GLI2: variants seen among roughly 807,000 people sequenced by gnomAD.
GLI2 encodes transcription activator GLI2.
A neutral mutation model predicts 78.9 loss-of-function variants in GLI2; 22 were observed. That is an observed-to-expected ratio of 0.28 (90% CI 0.20 to 0.40). The LOEUF (loss-of-function observed/expected upper bound fraction) is 0.40, where lower values mean the gene tolerates loss of function less well. Among genes scored for constraint, GLI2 ranks in the 10% least tolerant of loss-of-function variants. GLI2 has a pLI of 1.00. For synonymous variants in GLI2, 974 were observed against 963.7 expected (o/e 1.01, Z -0.20); for missense variants, 2,097 against 2,213.2 (o/e 0.95, Z 1.05).
chr2:120,934,488 T>C (rs1465403911), intron 3 of GLI2, among the ~76,000 whole-genome samples: 1 of 152,212 alleles, frequency 6.6e-6, no homozygotes, highest in African/African-American at 2.4e-5. Context: ...TTGGTTTGCA[T>C]TGCATTGGCA....
intron 2 of GLI2, among the ~76,000 whole-genome samples, chr2:120,838,752 G>A (rs955143316): frequency 6.6e-6 from 1 of 152,142 alleles, no homozygotes; most frequent in Non-Finnish European, 1.5e-5. Context: ...ACCTTTTCTA[G>A]GTTTAGACAT....
At chr2:120,925,940 T>G (rs1050640840) in intron 2 of GLI2, among the ~76,000 whole-genome samples, 1 of 151,940 alleles carries the variant, frequency 6.6e-6, no homozygotes, top group East Asian at 1.9e-4. Flanking sequence ...GGGCGTGGTG[T>G]CGGGCACCTG....
At chr2:120,965,294 G>T (rs1172825853) in intron 5 of GLI2, among the ~76,000 whole-genome samples, 6 of 150,632 alleles carry the variant, frequency 4.0e-5, no homozygotes, top group African/African-American at 1.5e-4. Flanking sequence ...CCGGGATGCA[G>T]ATGCTGTAAC....
intron 1 of GLI2, among the ~76,000 whole-genome samples, chr2:120,794,092 G>A (rs558136519): frequency 2.6e-5 from 4 of 152,358 alleles, no homozygotes; most frequent in African/African-American, 7.2e-5. Context: ...CTGTGCTGAA[G>A]AGCTCCTGGC....
chr2:120,948,489 C>T (rs1162088280), intron 3 of GLI2, among the ~76,000 whole-genome samples: 1 of 152,142 alleles, frequency 6.6e-6, no homozygotes, highest in Non-Finnish European at 1.5e-5. Context: ...GGCGGAAGTC[C>T]CAGCTCCTCC....
chr2:120,862,749 G>GA (rs1222872416), intron 2 of GLI2, among the ~76,000 whole-genome samples: 1 of 152,214 alleles, frequency 6.6e-6, no homozygotes, highest in Non-Finnish European at 1.5e-5. Flanking sequence ...CTGGGTGAGC[G>GA]AGTGTGGGGT....
At chr2:120,791,980 A>T (rs973214797) in intron 1 of GLI2, among the ~76,000 whole-genome samples, 2 of 152,148 alleles carry the variant, frequency 1.3e-5, no homozygotes, top group African/African-American at 4.8e-5. Flanking sequence ...CTGGGCACGC[A>T]TGCCGCACGA....
chr2:120,784,255 G>A (rs1683932413), intron 1 of GLI2, among the ~76,000 whole-genome samples: 1 of 152,238 alleles, frequency 6.6e-6, no homozygotes, highest in Non-Finnish European at 1.5e-5. Context: ...CCAGTGCTGT[G>A]CTGTGGGTCT....
At chr2:120,789,939 A>G (rs904651797) in intron 1 of GLI2, among the ~76,000 whole-genome samples, 15 of 152,190 alleles carry the variant, frequency 9.9e-5, no homozygotes, top group Admixed American at 6.5e-4. Context: ...ACTTGAGGAG[A>G]GGAGCTAGCC....
At chr2:120,909,120 T>C (rs967188571) in intron 2 of GLI2, among the ~76,000 whole-genome samples, 3 of 152,150 alleles carry the variant, frequency 2.0e-5, no homozygotes, top group African/African-American at 7.2e-5. Context: ...GATTGTGGCA[T>C]GATTGTTGTC....
intron 2 of GLI2, among the ~76,000 whole-genome samples, chr2:120,840,643 A>G (rs1686821705): frequency 6.6e-6 from 1 of 152,238 alleles, no homozygotes; most frequent in Non-Finnish European, 1.5e-5. Flanking sequence ...GAAGGCAAGC[A>G]TGTGGCTACA....
chr2:120,890,053 C>T (rs946327550), intron 2 of GLI2, among the ~76,000 whole-genome samples: 4 of 152,200 alleles, frequency 2.6e-5, no homozygotes, highest in Admixed American at 6.5e-5. Flanking sequence ...AAACTGGAAA[C>T]AGCCCAGATG....
chr2:120,932,854 T>A (rs916778007), intron 3 of GLI2, among the ~76,000 whole-genome samples: 5 of 152,168 alleles, frequency 3.3e-5, no homozygotes, highest in Non-Finnish European at 7.3e-5. Context: ...GAGAGTTGAC[T>A]GTCTGGGGAC....
intron 2 of GLI2, among the ~76,000 whole-genome samples, chr2:120,835,667 T>C (rs553140618): frequency 5.9e-5 from 9 of 152,272 alleles, no homozygotes; most frequent in South Asian, 4.1e-4. Context: ...ATTACAGGTG[T>C]GAGCCACCGC....
At chr2:120,968,964 G>A (rs1682002519) in intron 6 of GLI2, 49 bp downstream of exon 6, 2 of 1,458,040 alleles carry the variant, frequency 1.4e-6, no homozygotes, top group Non-Finnish European at 1.9e-6. Context: ...CTGGGCTGAG[G>A]GCCCGGTGGG....
chr2:120,748,401 G>A (rs1248473264), intron 1 of GLI2, among the ~76,000 whole-genome samples: 1 of 152,226 alleles, frequency 6.6e-6, no homozygotes, highest in Non-Finnish European at 1.5e-5. Context: ...GAGAGGGCCA[G>A]ACTGGGTCTT....
intron 13 of GLI2, among the ~76,000 whole-genome samples, chr2:120,987,190 G>T (rs1367417621): frequency 2.0e-5 from 3 of 152,222 alleles, no homozygotes; most frequent in Non-Finnish European, 4.4e-5. Context: ...GATGGAAGGC[G>T]TCTTTAACGA....
chr2:120,780,596 G>A (rs1683814722), intron 1 of GLI2, among the ~76,000 whole-genome samples: 2 of 152,226 alleles, frequency 1.3e-5, no homozygotes, highest in Admixed American at 1.3e-4. Flanking sequence ...ATGGCTGGTG[G>A]GGAGGCCTCT....
At position 120,988,734 on chromosome 2, in the gene GLI2, C is replaced by T. The variant is rs1310224410; in HGVS notation, c.2769C>T (p.Gly923=). ...CACGCCCACTGGGGCCGCGGCGTGG[C>T]AGCGACGGGCCGACCTATGGCCACG... ...GCPRPLGPRR[G]SDGPTYGHGH... Residue 923 remains glycine (G), a synonymous_variant, in exon 14 of 14, where the codon GGC becomes GGT. Coordinates refer to ENST00000361492, the MANE Select transcript of GLI2 (RefSeq NM_001374353.1). The T allele has an allele frequency of 3.3e-6, 4 of 1,196,264 alleles. No homozygotes were observed. Among genetic ancestry groups the T allele is most frequent in the Non-Finnish European group, 4.2e-6 (4 of 963,496 alleles). The allele number at this position is 1,196,264 out of a possible 1,614,324, so 74.1% of individuals were successfully genotyped here. A position where few individuals can be genotyped will look rare whatever the true frequency, so the allele number is the denominator to read the frequency against.
Sources: allele counts gnomAD v4.1 joint callset (sites outside exome capture counted in the v4.1 genomes callset), GRCh38; gene constraint gnomAD v4.1.1; transcripts MANE v1.5; gene names NCBI Gene and HGNC (gene_info 2026-07-23, HGNC 2026-07-21).